The following CYP27A1 variants were observed in gnomAD, a reference collection of about 807,000 sequenced individuals.
CYP27A1 encodes cytochrome P450 family 27 subfamily A member 1.
Under a neutral mutation model 58.2 loss-of-function variants are expected in CYP27A1, and 46 were observed. That is an observed-to-expected ratio of 0.79 (90% CI 0.62 to 1.01). CYP27A1 has a LOEUF of 1.01. Among genes scored for constraint, CYP27A1 ranks in the 50% least tolerant of loss-of-function variants. The pLI is 0.00. For missense variants in CYP27A1, 704 were observed against 687.0 expected, an observed-to-expected ratio of 1.02 and a Z score of -0.28; for synonymous variants, 274 against 285.1, an observed-to-expected ratio of 0.96 and a Z score of 0.39.
At chr2:218,787,347 A>G (rs1943450380) in intron 1 of CYP27A1, among the ~76,000 whole-genome samples, 1 of 152,196 alleles carries the variant, frequency 6.6e-6, no homozygotes. Context: ...ACAATGAGGG[A>G]GGTGGGCAGA....
chr2:218,812,257 T>TGAACCAGCGGTTGCTG lies in CYP27A1; in HGVS notation c.483_498dup (p.Lys167GlufsTer19). On this transcript the variant is annotated frameshift_variant, in exon 3 of 9. Transcript: ENST00000258415. LOFTEE classifies it high-confidence loss of function. ...CACTGGTACCAGCTGCGCCAGGCTC[T>TGAACCAGCGGTTGCTG]GAACCAGCGGTTGCTGAAGCCAGCG... 6.2e-7 allele frequency: 1 copy of TGAACCAGCGGTTGCTG among 1,614,210 alleles called. No individual in the cohort carries two copies. The highest frequency in any genetic ancestry group is 8.5e-7 in the Non-Finnish European group (1 of 1,180,028).
chr2:218,814,892 T>C lies in CYP27A1; in HGVS notation c.1477-19T>C. 6.8e-6 allele frequency: 11 copies of C among 1,614,108 alleles called. No homozygotes were observed. Among genetic ancestry groups the C allele is most frequent in the Non-Finnish European group, 9.3e-6 (11 of 1,180,004 alleles). On this transcript the variant is annotated intron_variant, in intron 8 of 8. Coordinates refer to ENST00000258415, the MANE Select transcript of CYP27A1 (RefSeq NM_000784.4). ...CAAACACACAATCCACCCAACCACA[T>C]GTGCTCTTTACCCCCCAGCTGATCC...
At chr2:218,793,500 G>T (rs1191202226) in intron 1 of CYP27A1, among the ~76,000 whole-genome samples, 2 of 152,100 alleles carry the variant, frequency 1.3e-5, no homozygotes, top group Non-Finnish European at 2.9e-5. Flanking sequence ...TTTTCTTGTT[G>T]CAGTTTATGT....
Position 218,809,651 on chromosome 2 carries a change from T to C in CYP27A1, c.330T>C (p.Ser110=), listed in dbSNP as rs1176691929. ...LGPQMHVNLA[S]APLLEQVMRQ... ...CTCAGATGCACGTGAACCTGGCCAG[T>C]GCCCCGCTCTTGGAGCAAGTGATGC... Residue 110 remains serine (S), a synonymous_variant, in exon 2 of 9, where the codon AGT becomes AGC. Transcript: ENST00000258415. The C allele has an allele frequency of 6.2e-7, 1 of 1,613,974 alleles. No homozygotes were observed. Among genetic ancestry groups the C allele is most frequent in the South Asian group, 1.1e-5 (1 of 91,080 alleles).
At position 218,814,367 on chromosome 2, in the gene CYP27A1, C is replaced by A. The variant is rs772157208; in HGVS notation, c.1185-13C>A. On this transcript the variant is annotated splice_polypyrimidine_tract_variant and intron_variant, in intron 6 of 8. Transcript: ENST00000258415. ...GAATCCAGAGCAGACTCCAGACATT[C>A]TTTTCCCTGCAGTCTCTACCCTGTG... is the stretch of plus-strand genomic sequence containing the variant. 4.3e-6 allele frequency: 7 copies of A among 1,613,412 alleles called. No homozygotes were observed. Among genetic ancestry groups the A allele is most frequent in the Middle Eastern group, 1.6e-4 (1 of 6,062 alleles).
In CYP27A1 at chr2:218,814,097, T is replaced by A; in HGVS notation, c.1094T>A (p.Val365Glu). Residue 365 changes from valine (V) to glutamate (E), a missense_variant, in exon 6 of 9, where the codon GTG becomes GAG. Coordinates refer to ENST00000258415, the MANE Select transcript of CYP27A1 (RefSeq NM_000784.4). ...PEIQEALHEE[V>E]VGVVPAGQVP... ...ATCCAGGAGGCCTTGCACGAGGAAG[T>A]GGTGGGTGTGGTGCCAGCCGGGCAA... is the stretch of plus-strand genomic sequence containing the variant. The A allele has an allele frequency of 6.2e-7, 1 of 1,614,166 alleles. No individual in the cohort carries two copies. Among genetic ancestry groups the A allele is most frequent in the Non-Finnish European group, 8.5e-7 (1 of 1,180,024 alleles).
At chr2:218,786,998 C>T (rs1156439058) in intron 1 of CYP27A1, among the ~76,000 whole-genome samples, 3 of 152,026 alleles carry the variant, frequency 2.0e-5, no homozygotes, top group African/African-American at 7.2e-5. Flanking sequence ...TTCGCCATGC[C>T]CAGGCTGGTC....
intron 1 of CYP27A1, among the ~76,000 whole-genome samples, chr2:218,805,333 T>C (rs1943640047): frequency 6.6e-6 from 1 of 152,214 alleles, no homozygotes; most frequent in African/African-American, 2.4e-5. Flanking sequence ...CATGTTTCTT[T>C]CTGCTGGATT....
In CYP27A1 at chr2:218,814,410, G is replaced by A; in HGVS notation, c.1215G>A (p.Arg405=). ...RLYPVVPTNS[R]IIEKEIEVDG... ...ACCCTGTGGTCCCCACAAACTCCCG[G>A]ATCATAGAAAAGGAAATTGAAGTTG... The change falls in exon 7 of 9, where the codon CGG becomes CGA. Residue 405 remains arginine, a synonymous_variant. Transcript: ENST00000258415. 1 of 1,614,236 alleles carries A rather than the reference G, an allele frequency of 6.2e-7. No individual in the cohort carries two copies. Among genetic ancestry groups the A allele is most frequent in the Non-Finnish European group, 8.5e-7 (1 of 1,180,034 alleles).
At position 218,815,088 on chromosome 2, in the gene CYP27A1, T is replaced by G; in HGVS notation, c.*58T>G. 1 of 1,609,872 alleles carries G rather than the reference T, an allele frequency of 6.2e-7. No individual in the cohort carries two copies. Among genetic ancestry groups the G allele is most frequent in the Non-Finnish European group, 8.5e-7 (1 of 1,176,974 alleles). On this transcript the variant is annotated 3_prime_UTR_variant, in exon 9 of 9. Coordinates refer to ENST00000258415, the MANE Select transcript of CYP27A1 (RefSeq NM_000784.4). Reference sequence around the variant, plus strand: ...GAGGCTCCAGCTCTGGCACAGTGGTTCCTGGCTGCTGCCATGTCTCAGATG... The same window carrying G: ...GAGGCTCCAGCTCTGGCACAGTGGTGCCTGGCTGCTGCCATGTCTCAGATG...
In CYP27A1 at chr2:218,812,579, G is replaced by A. The variant is rs753275244; in HGVS notation, c.674G>A (p.Arg225His). 20 of 1,614,158 alleles carry A rather than the reference G, an allele frequency of 1.2e-5. No homozygotes were observed. The highest frequency in any genetic ancestry group is 6.7e-5 in the Admixed American group (4 of 60,012). ...ATTTGCTACATCCTGTTCGAGAAAC[G>A]CATTGGCTGCCTGCAGCGATCCATC... The part of the protein sequence containing the change: ...EAICYILFEK[R>H]IGCLQRSIPE... The change falls in exon 4 of 9, where the codon CGC (arginine) becomes CAC (histidine). Residue 225 changes from arginine (R) to histidine (H), a missense_variant. Arg to His is a conservative substitution (Grantham distance 29, BLOSUM62 0). Coordinates refer to ENST00000258415, the MANE Select transcript of CYP27A1 (RefSeq NM_000784.4).
rs1559393373 is a variant in CYP27A1 at position 218,814,387 on chromosome 2, C to T, written c.1192C>T (p.Pro398Ser). The change falls in exon 7 of 9, where the codon CCT becomes TCT. Residue 398 changes from proline (P) to serine (S), a missense_variant. Pro to Ser is a moderately conservative substitution (Grantham distance 74). Coordinates refer to ENST00000258415, the MANE Select transcript of CYP27A1 (RefSeq NM_000784.4). ...ACATTCTTTTCCCTGCAGTCTCTAC[C>T]CTGTGGTCCCCACAAACTCCCGGAT... ...AVLKETLRLY[P>S]VVPTNSRIIE... The T allele has an allele frequency of 6.2e-7, 1 of 1,614,018 alleles. No individual in the cohort carries two copies. The highest frequency in any genetic ancestry group is 1.1e-5 in the South Asian group (1 of 91,084).
At chr2:218,793,275 C>T (rs1160529471) in intron 1 of CYP27A1, among the ~76,000 whole-genome samples, 1 of 152,128 alleles carries the variant, frequency 6.6e-6, no homozygotes, top group East Asian at 1.9e-4. Flanking sequence ...GGGGTTTCAT[C>T]ATGTTGGCCA....
At chr2:218,811,033 C>T (rs1446416337) in intron 2 of CYP27A1, among the ~76,000 whole-genome samples, 3 of 152,092 alleles carry the variant, frequency 2.0e-5, no homozygotes, top group Admixed American at 6.5e-5. Flanking sequence ...CACCTGTAGT[C>T]CCAGCTACTC....
intron 1 of CYP27A1, among the ~76,000 whole-genome samples, chr2:218,805,343 T>C (rs181121416): frequency 1.3e-5 from 2 of 152,314 alleles, no homozygotes; most frequent in East Asian, 3.9e-4. Context: ...TCTGCTGGAT[T>C]CATTGACAAC....
intron 1 of CYP27A1, among the ~76,000 whole-genome samples, chr2:218,791,151 A>C (rs1486955817): frequency 6.6e-6 from 1 of 152,180 alleles, no homozygotes; most frequent in African/African-American, 2.4e-5. Flanking sequence ...ATAAATTTCC[A>C]ATCATTGCCT....
intron 2 of CYP27A1, among the ~76,000 whole-genome samples, chr2:218,810,338 G>A (rs1943699421): frequency 6.6e-6 from 1 of 152,044 alleles, no homozygotes; most frequent in African/African-American, 2.4e-5. Flanking sequence ...TAAGATTTAG[G>A]TTGCAGGTTT....
chr2:218,783,283 A>G lies in CYP27A1; in HGVS notation c.255+846A>G, dbSNP rs1943412968. On this transcript the variant is annotated intron_variant, in intron 1 of 8. Transcript: ENST00000258415. ...AAAAAAAAAAAAAAAAAAAGAAAAA[A>G]AGAAAAAAGAAATCAGCCTGTAGTC... 2.6e-5 allele frequency among the ~76,000 whole-genome samples: 4 copies of G among 151,808 alleles called. No individual in the cohort carries two copies. The South Asian group carries it at 8.3e-4, about 32-fold the overall frequency.
chr2:218,809,525 G>C, intron 1 of CYP27A1, 52 bp from the exon 2 acceptor site: 1 of 1,541,464 alleles, frequency 6.5e-7, no homozygotes, highest in East Asian at 2.3e-5. Context: ...TCCTGTCCTG[G>C]GAGCACCTGC....
Sources: gnomAD v4.1 joint callset for allele counts (sites outside exome capture counted in the v4.1 genomes callset) on GRCh38, gnomAD v4.1.1 for gene constraint, MANE v1.5 for transcripts, NCBI Gene and HGNC (gene_info 2026-07-23, HGNC 2026-07-21) for gene names.